SATL1: variants seen among roughly 807,000 people sequenced by gnomAD.
SATL1 encodes spermidine/spermine N(1)-acetyltransferase-like protein 1.
In SATL1, 47 loss-of-function variants were observed where a neutral mutation model predicts 51.8. The observed-to-expected ratio is 0.91, with a 90% confidence interval of 0.72 to 1.16. The LOEUF is 1.16. SATL1 is among the 50% of genes most tolerant of loss of function. The pLI, the probability that SATL1 is intolerant of heterozygous loss-of-function variation, is 0.00. For missense variants in SATL1, 520 were observed against 526.4 expected (o/e 0.99, Z 0.12); for synonymous variants, 176 against 182.4 (o/e 0.97, Z 0.28).
intron 2 of SATL1, among the ~76,000 whole-genome samples, chrX:85,185,176 C>G (rs1007650124): frequency 6.2e-5 from 7 of 112,402 alleles, no homozygotes; most frequent in Non-Finnish European, 1.3e-4. Context: ...TCTCCTCTTA[C>G]ATTTCCCTCA....
chrX:85,241,357 C>A (rs1928590611), intron 1 of SATL1, among the ~76,000 whole-genome samples: 1 of 111,057 alleles, frequency 9.0e-6, no homozygotes, highest in African/African-American at 3.3e-5. Context: ...TGGGATCATT[C>A]ATACACCAAA....
chrX:85,099,115 G>T (rs1312249596), intron 4 of SATL1, among the ~76,000 whole-genome samples: 2 of 111,114 alleles, frequency 1.8e-5, no homozygotes, highest in African/African-American at 3.3e-5. Context: ...ACATTAAAAG[G>T]GGGTATAGAA....
At chrX:85,110,244 G>A (rs760702212) in intron 2 of SATL1, among the ~76,000 whole-genome samples, 85 of 110,565 alleles carry the variant, frequency 7.7e-4, no homozygotes, top group Middle Eastern at 4.6e-3. Flanking sequence ...ATTATTATTC[G>A]GTCCAGCCTC....
At chrX:85,106,818 T>C (rs886890760) in intron 3 of SATL1, among the ~76,000 whole-genome samples, 1 of 111,759 alleles carries the variant, frequency 8.9e-6, no homozygotes, top group African/African-American at 3.3e-5. Context: ...GTATGGAAAA[T>C]TTGTTGCATG....
chrX:85,192,178 G>A (rs1360794032), intron 2 of SATL1, among the ~76,000 whole-genome samples: 1 of 111,603 alleles, frequency 9.0e-6, no homozygotes, highest in Non-Finnish European at 1.9e-5. Context: ...TGGACTATAA[G>A]TTTCTATTTT....
At chrX:85,110,519 A>G (rs970732198) in intron 2 of SATL1, among the ~76,000 whole-genome samples, 20 of 112,102 alleles carry the variant, frequency 1.8e-4, no homozygotes, top group Non-Finnish European at 5.6e-5. Flanking sequence ...TCACTTAATC[A>G]TCAAAATAAC....
At chrX:85,093,132 T>C in intron 7 of SATL1, 53 bp downstream of exon 7, 1 of 1,052,671 alleles carries the variant, frequency 9.5e-7, no homozygotes, top group South Asian at 2.2e-5. Context: ...CCTGTGAATA[T>C]TTATTAAGAA....
chrX:85,193,353 A>T (rs1328231837), intron 2 of SATL1, among the ~76,000 whole-genome samples: 4 of 111,446 alleles, frequency 3.6e-5, no homozygotes, highest in Non-Finnish European at 7.5e-5. Context: ...AAATATAAGT[A>T]GCAGCTACCC....
rs181495697 is a variant in SATL1, at chrX:85,135,115, G to C, written c.-312-25835C>G. Among the ~76,000 whole-genome samples, 8 of 110,750 alleles carry C rather than the reference G, an allele frequency of 7.2e-5. No individual in the cohort carries two copies. In the South Asian group the frequency reaches 2.8e-3, roughly 39 times the overall value. The stretch of plus-strand genomic sequence containing the variant: ...TGCATGTTCTCACTTACAAGTGGGA[G>C]CTGAACAATGAGAGCACATGGACAC... On this transcript the variant is annotated intron_variant, in intron 2 of 7. Coordinates refer to ENST00000644105, the MANE Select transcript of SATL1 (RefSeq NM_001367857.2).
chrX:85,143,305 C>CA lies in SATL1; in HGVS notation c.-312-34026dup, dbSNP rs763179665. Reference sequence around the variant, plus strand: ...TTATACATGCTGTAAAGAACAAGTTCAAAATCCATGGTCCCTTATCTCCTA... The same window carrying CA: ...TTATACATGCTGTAAAGAACAAGTTCAAAAATCCATGGTCCCTTATCTCCTA... On this transcript the variant is annotated intron_variant, in intron 2 of 7. Transcript: ENST00000644105. 4 of 111,460 alleles carry CA rather than the reference C, an allele frequency of 3.6e-5. No homozygotes were observed. The East Asian group carries it at 8.5e-4, about 24-fold the overall frequency. 9.2% of individuals were successfully genotyped at this position (111,460 alleles called of 1,213,427 possible). A position where few individuals can be genotyped will look rare whatever the true frequency, so the allele number is the denominator to read the frequency against.
chrX:85,211,106 G>T (rs1042091645), intron 2 of SATL1: 1 of 111,703 alleles, frequency 9.0e-6, no homozygotes, highest in Non-Finnish European at 1.9e-5. Flanking sequence ...AAAGGGCAAT[G>T]AATTATTTTA....
At chrX:85,119,667 G>A (rs532672753) in intron 2 of SATL1, among the ~76,000 whole-genome samples, 1 of 110,705 alleles carries the variant, frequency 9.0e-6, no homozygotes, top group Admixed American at 9.7e-5. Flanking sequence ...TATTTAAGAT[G>A]CTTAAATACC....
chrX:85,174,171 C>T (rs1927039038), intron 2 of SATL1, among the ~76,000 whole-genome samples: 1 of 110,341 alleles, frequency 9.1e-6, no homozygotes, highest in Non-Finnish European at 1.9e-5. Context: ...TCCATTCTAT[C>T]ATTGATAGGC....
intron 6 of SATL1, 91 bp from the exon 7 acceptor site, chrX:85,093,316 T>C (rs1924586024): frequency 1.1e-6 from 1 of 890,212 alleles, no homozygotes; most frequent in South Asian, 2.5e-5. Flanking sequence ...TAAAACTCTG[T>C]ATCTGTTTTT....
At chrX:85,188,450 A>G (rs186735117) in intron 2 of SATL1, among the ~76,000 whole-genome samples, 1 of 111,681 alleles carries the variant, frequency 9.0e-6, no homozygotes, top group East Asian at 2.8e-4. Context: ...TGTAATATCA[A>G]TTAGCTACAA....
At position 85,159,327 on chromosome X, in the gene SATL1, T is replaced by G. The variant is rs374975179; in HGVS notation, c.-312-50047A>C. ...CACCCTCCTGGCCATGGACCCATAC[T>G]GAGGGGGCATTAACACCTAAGTTCC... is the stretch of plus-strand genomic sequence containing the variant. On this transcript the variant is annotated intron_variant, in intron 2 of 7. Transcript: ENST00000644105. 3.4e-4 allele frequency among the ~76,000 whole-genome samples: 38 copies of G among 112,046 alleles called. 1 individual carries two copies. The East Asian group carries it at 9.6e-3, about 28-fold the overall frequency.
Position 85,103,780 on chromosome X carries a change from G to A in SATL1, c.1693+84C>T, listed in dbSNP as rs909035772. ...ATGTTAGTAATGGTGTCATCTTTAT[G>A]TACCAAGAACAATAGCTTCCACATA... On this transcript the variant is annotated intron_variant, in intron 4 of 7. Transcript: ENST00000644105. 6.2e-6 allele frequency: 4 copies of A among 646,203 alleles called. No homozygotes were observed. In the South Asian group the frequency reaches 9.9e-5, roughly 16 times the overall value. 53.3% of individuals were successfully genotyped at this position (646,203 alleles called of 1,213,427 possible).
At chrX:85,110,782 C>T (rs1188395015) in intron 2 of SATL1, among the ~76,000 whole-genome samples, 2 of 112,456 alleles carry the variant, frequency 1.8e-5, no homozygotes, top group African/African-American at 3.2e-5. Flanking sequence ...AAGCCTAATA[C>T]AAATTAGATG....
intron 2 of SATL1, among the ~76,000 whole-genome samples, chrX:85,137,636 C>T (rs112164694): frequency 9.0e-6 from 1 of 111,235 alleles, no homozygotes; most frequent in Admixed American, 9.6e-5. Context: ...CTAGGTATAG[C>T]GTTTTTGGTA....
Sources: gnomAD v4.1 joint callset for allele counts (sites outside exome capture counted in the v4.1 genomes callset) on GRCh38, gnomAD v4.1.1 for gene constraint, MANE v1.5 for transcripts, NCBI Gene and HGNC (gene_info 2026-07-23, HGNC 2026-07-21) for gene names.